The following MYCBP2 variants were observed in gnomAD, a reference collection of about 807,000 sequenced individuals.
MYCBP2 encodes MYC binding protein 2.
Under a neutral mutation model 525.3 loss-of-function variants are expected in MYCBP2, and 120 were observed. That is an observed-to-expected ratio of 0.23 (90% confidence interval 0.20 to 0.27). MYCBP2 has a LOEUF of 0.27. MYCBP2 is among the 10% of genes least tolerant of loss of function. The pLI, the probability that MYCBP2 is intolerant of heterozygous loss-of-function variation, is 1.00. For synonymous variants in MYCBP2, 1,894 were observed against 1,955.8 expected (o/e 0.97, Z 0.83); for missense variants, 4,149 against 5,657.1 (o/e 0.73, Z 8.55).
In MYCBP2 at chr13:77,326,919, A is replaced by C; in HGVS notation, c.-144T>G. On this transcript the variant is annotated 5_prime_UTR_variant, in exon 1 of 83. Coordinates refer to ENST00000544440, the MANE Select transcript of MYCBP2 (RefSeq NM_015057.5). The surrounding 1 kb of genome is among the most constrained non-coding windows in gnomAD (Gnocchi z 4.2). The stretch of plus-strand genomic sequence containing the variant: ...CAGCAGGGAGACTACAAAGACAGCG[A>C]CCTCCTTCTCCTCCTCCTTCTTCTC... 8.7e-6 allele frequency: 6 copies of C among 687,274 alleles called. No homozygotes were observed. Among genetic ancestry groups the C allele is most frequent in the South Asian group, 8.7e-5 (2 of 23,058 alleles). 42.6% of individuals were successfully genotyped at this position (687,274 alleles called of 1,614,324 possible).
intron 82 of MYCBP2, among the ~76,000 whole-genome samples, chr13:77,047,250 G>T (rs1249115865): frequency 1.3e-5 from 2 of 152,130 alleles, no homozygotes; most frequent in Non-Finnish European, 1.5e-5. Context: ...AACAGTCATA[G>T]GAGGCAGAAA....
intron 68 of MYCBP2, among the ~76,000 whole-genome samples, chr13:77,072,634 C>G (rs921333218): frequency 1.3e-5 from 2 of 152,040 alleles, no homozygotes; most frequent in African/African-American, 4.8e-5. Context: ...ACTGATGAAT[C>G]TTTAGAGAAA....
chr13:77,267,779 T>C (rs2074310851), intron 8 of MYCBP2, 62 bp downstream of exon 8: 2 of 1,267,126 alleles, frequency 1.6e-6, no homozygotes, highest in Non-Finnish European at 2.3e-6. Flanking sequence ...TGTGTCTAAA[T>C]AGCTTAACAT....
chr13:77,200,732 A>G (rs2062423172), intron 26 of MYCBP2, among the ~76,000 whole-genome samples: 1 of 152,222 alleles, frequency 6.6e-6, no homozygotes, highest in Admixed American at 6.5e-5. Flanking sequence ...AGTGGGGGCC[A>G]ATATTCAACA....
In MYCBP2 at chr13:77,190,255, T is replaced by C; in HGVS notation, c.4151A>G (p.Tyr1384Cys). The C allele has an allele frequency of 6.3e-7, 1 of 1,583,652 alleles. No individual in the cohort carries two copies. Among genetic ancestry groups the C allele is most frequent in the Non-Finnish European group, 8.7e-7 (1 of 1,154,170 alleles). The change falls in exon 29 of 83, where the codon TAC becomes TGC. Residue 1384 changes from tyrosine (Y) to cysteine (C), a missense_variant. Transcript: ENST00000544440. ...TCAGTATAAATATGCTAAATACCTG[T>C]ATAATAACTGAGGTATCTGACCCGC... The part of the protein sequence containing the change: ...VNAGQIPQLL[Y>C]RLPTSDGSAS...
intron 52 of MYCBP2, among the ~76,000 whole-genome samples, chr13:77,136,469 C>A (rs1029712840): frequency 6.6e-6 from 1 of 152,138 alleles, no homozygotes; most frequent in African/African-American, 2.4e-5. Context: ...GTCCACATTC[C>A]CAGAACTGAT....
chr13:77,066,230 A>G, intron 71 of MYCBP2, 142 bp from the exon 72 acceptor site: 2 of 614,970 alleles, frequency 3.3e-6, no homozygotes, highest in Non-Finnish European at 5.6e-6. Context: ...AAGAAAATTC[A>G]TCAAACCATT....
chr13:77,224,335 A>G (rs1450587845), intron 20 of MYCBP2, 116 bp downstream of exon 20: 11 of 686,518 alleles, frequency 1.6e-5, no homozygotes, highest in Non-Finnish European at 2.7e-5. Flanking sequence ...GCAGTGGTAT[A>G]ATATTATTTT....
intron 38 of MYCBP2, 125 bp from the exon 39 acceptor site, chr13:77,169,839 G>A (rs1470858777): frequency 9.2e-6 from 7 of 760,050 alleles, no homozygotes; most frequent in Non-Finnish European, 1.1e-5. Context: ...CCAATTGGGT[G>A]CTTGTCAAGG....
At chr13:77,141,473 C>T (rs571303099) in intron 49 of MYCBP2, among the ~76,000 whole-genome samples, 18 of 151,894 alleles carry the variant, frequency 1.2e-4, no homozygotes, top group South Asian at 2.1e-4. Context: ...AAATAAATGA[C>T]GTAAAATGTA....
intron 7 of MYCBP2, among the ~76,000 whole-genome samples, chr13:77,269,496 G>C (rs2074576285): frequency 6.6e-6 from 1 of 152,070 alleles, no homozygotes; most frequent in African/African-American, 2.4e-5. Flanking sequence ...AAATTAGCTA[G>C]GCATGGTGGC....
chr13:77,199,130 C>T (rs532849337), intron 26 of MYCBP2, among the ~76,000 whole-genome samples: 14 of 152,246 alleles, frequency 9.2e-5, no homozygotes, highest in East Asian at 7.7e-4. Flanking sequence ...TCTGAGGTAC[C>T]GGGTTCATCT....
At chr13:77,302,252 C>T (rs1259090424) in intron 1 of MYCBP2, among the ~76,000 whole-genome samples, 1 of 151,806 alleles carries the variant, frequency 6.6e-6, no homozygotes, top group Non-Finnish European at 1.5e-5. Context: ...TACCTAGGCA[C>T]AGCATGGTCA....
chr13:77,288,053 T>C (rs1248359161), intron 3 of MYCBP2, 108 bp downstream of exon 3: 2 of 1,091,136 alleles, frequency 1.8e-6, no homozygotes, highest in South Asian at 1.5e-5. Flanking sequence ...TTATTTTTAG[T>C]GTGCAATTTT....
chr13:77,231,225 A>C (rs2067091205), intron 18 of MYCBP2, among the ~76,000 whole-genome samples: 1 of 152,216 alleles, frequency 6.6e-6, no homozygotes, highest in Non-Finnish European at 1.5e-5. Flanking sequence ...CAAGTATACA[A>C]AGAAACTTGT....
rs2059417749 is a variant in MYCBP2 at position 77,174,406 on chromosome 13, G to A, written c.5556C>T (p.Cys1852=). The part of the protein sequence containing the change: ...NGDGGMTTVQ[C]PDGVTFTFST... ...TGAATGTGAATGTCACACCATCAGG[G>A]CACTGAACTGTGGTCATTCCTCCAT... is the stretch of plus-strand genomic sequence containing the variant. The change falls in exon 37 of 83, where the codon TGC becomes TGT. Residue 1852 remains cysteine, a synonymous_variant. Coordinates refer to ENST00000544440, the MANE Select transcript of MYCBP2 (RefSeq NM_015057.5). 1 of 1,614,014 alleles carries A rather than the reference G, an allele frequency of 6.2e-7. No homozygotes were observed. The highest frequency in any genetic ancestry group is 1.7e-5 in the Admixed American group (1 of 60,000).
At chr13:77,060,725 T>C (rs2039126477) in intron 76 of MYCBP2, among the ~76,000 whole-genome samples, 2 of 152,198 alleles carry the variant, frequency 1.3e-5, no homozygotes, top group African/African-American at 2.4e-5. Flanking sequence ...TCAGAAGCAT[T>C]AGGTCTACAA....
chr13:77,056,843 T>C (rs2038190374), intron 79 of MYCBP2, 143 bp downstream of exon 79: 3 of 623,876 alleles, frequency 4.8e-6, no homozygotes, highest in Non-Finnish European at 8.5e-6. Flanking sequence ...GATTATATTC[T>C]CAGGTTCCAC....
At chr13:77,129,535 C>A (rs1282646485) in intron 52 of MYCBP2, 1 of 198,372 alleles carries the variant, frequency 5.0e-6, no homozygotes, top group African/African-American at 2.3e-5. Flanking sequence ...CCTTAAAATT[C>A]TTTAAATGAG....
Sources: allele counts gnomAD v4.1 joint callset (sites outside exome capture counted in the v4.1 genomes callset), GRCh38; gene constraint gnomAD v4.1.1; non-coding constraint Gnocchi (gnomAD v3.1); transcripts MANE v1.5; gene names NCBI Gene and HGNC (gene_info 2026-07-23, HGNC 2026-07-21).